Variants in CYBC1 observed in about 807,000 individuals in gnomAD.
The protein encoded by CYBC1 is essential for reactive oxygen species protein.
A neutral mutation model predicts 21.7 loss-of-function variants in CYBC1; 22 were observed. The ratio of observed to expected loss-of-function variants is 1.02; its 90% CI spans 0.73 to 1.45. CYBC1 has a LOEUF of 1.45. CYBC1 is among the 40% of genes most tolerant of loss of function. CYBC1 has a pLI of 0.00. For synonymous variants in CYBC1, 112 were observed against 98.7 expected, an observed-to-expected ratio of 1.13 and a Z score of -0.80; for missense variants, 237 against 242.1, an observed-to-expected ratio of 0.98 and a Z score of 0.14.
At chr17:82,444,664 G>A in intron 5 of CYBC1, 73 bp from the exon 6 acceptor site, 1 of 1,507,738 alleles carries the variant, frequency 6.6e-7, no homozygotes, top group Non-Finnish European at 8.9e-7. Context: ...CAGCGCCACT[G>A]GCATCATCGA....
At chr17:82,446,756 C>T (rs555976449) in intron 3 of CYBC1, 60 bp from the exon 4 acceptor site, 43 of 1,538,324 alleles carry the variant, frequency 2.8e-5, no homozygotes, top group African/African-American at 2.2e-4. Context: ...CGGGAGGCCC[C>T]GCCTAGCACA....
rs142996233 is a variant in CYBC1, at chr17:82,449,288, G to A, written c.-34C>T. 496 of 1,498,688 alleles carry A rather than the reference G, an allele frequency of 3.3e-4. 4 individuals are homozygous for A. In the Middle Eastern group the frequency reaches 7.8e-3, roughly 24 times the overall value. 92.8% of individuals were successfully genotyped at this position (1,498,688 alleles called of 1,614,324 possible). A position where few individuals can be genotyped will look rare whatever the true frequency, so the allele number is the denominator to read the frequency against. ...GGCAGCACCACTCTCTACAGGAGGAGGGGTCTGGGAACAGACAGAGGCAGC... is the reference window on the plus strand; with the variant it reads ...GGCAGCACCACTCTCTACAGGAGGAAGGGTCTGGGAACAGACAGAGGCAGC... On this transcript the variant is annotated 5_prime_UTR_variant, in exon 2 of 7. Coordinates refer to ENST00000306645, the MANE Select transcript of CYBC1 (RefSeq NM_001033046.4).
Position 82,447,586 on chromosome 17 carries a change from T to C in CYBC1, c.121A>G (p.Ser41Gly), listed in dbSNP as rs371241422. ...LSIGLAAAYY[S>G]GDSLGWKLFY... ...GGGGCGGGGGGTGCTTTACCTCCGC[T>C]GTAGTAGGCAGCAGCCAGGCCAATC... Residue 41 changes from serine (S) to glycine (G), a missense_variant, in exon 3 of 7, where the codon AGC (serine) becomes GGC (glycine). Coordinates refer to ENST00000306645, the MANE Select transcript of CYBC1 (RefSeq NM_001033046.4). 3.7e-6 allele frequency: 6 copies of C among 1,601,358 alleles called. No individual in the cohort carries two copies. Among genetic ancestry groups the C allele is most frequent in the Non-Finnish European group, 5.1e-6 (6 of 1,175,980 alleles).
rs1304082901 is a variant in CYBC1 at position 82,445,873 on chromosome 17, G to A, written c.289C>T (p.His97Tyr). ...KKLLTLFRAG[H>Y]DQVVVLLHDV... ...GCTCCCCACGACTCACCCTGGTCGT[G>A]GCCAGCTCTGAAAAGAGTCAGCAGC... The change falls in exon 5 of 7, where the codon CAC (histidine) becomes TAC (tyrosine). Residue 97 changes from histidine to tyrosine, a missense_variant. Transcript: ENST00000306645. 7 of 1,611,032 alleles carry A rather than the reference G, an allele frequency of 4.3e-6. No homozygotes were observed. The highest frequency in any genetic ancestry group is 3.3e-4 in the Middle Eastern group (2 of 6,076).
chr17:82,447,823 A>G, intron 2 of CYBC1: 1 of 628,714 alleles, frequency 1.6e-6, no homozygotes, highest in East Asian at 2.8e-5. Flanking sequence ...AGCTGGGCGT[A>G]GTATCACACA....
chr17:82,449,612 G>A (rs1207404794), intron 1 of CYBC1: 1 of 251,462 alleles, frequency 4.0e-6, no homozygotes, highest in Non-Finnish European at 7.5e-6. Flanking sequence ...TCCTGAGGCC[G>A]CTAGCCCCCA....
rs1190253452 is a variant in CYBC1, at chr17:82,444,038, TCG to T, written c.528_529del (p.Ser176ArgfsTer3). 2 of 1,613,228 alleles carry T rather than the reference TCG, an allele frequency of 1.2e-6. No individual in the cohort carries two copies. The highest frequency in any genetic ancestry group is 1.7e-6 in the Non-Finnish European group (2 of 1,179,978). Reference sequence around the variant, plus strand: ...GCTTGCAGGGTCACCGGCCTCACTGTCGCTGCTCTGAGACAGCTCTGTGGGGC... The same window carrying T: ...GCTTGCAGGGTCACCGGCCTCACTGTCTGCTCTGAGACAGCTCTGTGGGGC... On this transcript the variant is annotated frameshift_variant, in exon 7 of 7. Coordinates refer to ENST00000306645, the MANE Select transcript of CYBC1 (RefSeq NM_001033046.4). LOFTEE classifies it high-confidence loss of function.
Position 82,444,138 on chromosome 17 carries a change from G to C in CYBC1, c.444-14C>G. 1.9e-6 allele frequency: 3 copies of C among 1,606,106 alleles called. No homozygotes were observed. Among genetic ancestry groups the C allele is most frequent in the Non-Finnish European group, 2.6e-6 (3 of 1,174,670 alleles). On this transcript the variant is annotated splice_polypyrimidine_tract_variant and intron_variant, in intron 6 of 6. Coordinates refer to ENST00000306645, the MANE Select transcript of CYBC1 (RefSeq NM_001033046.4). ...GCTTCCACATCACTGGGCGAGGCCGGCAACGGGAGGAAGGTCAGGTCACCT... is the reference window on the plus strand; with the variant it reads ...GCTTCCACATCACTGGGCGAGGCCGCCAACGGGAGGAAGGTCAGGTCACCT...
intron 3 of CYBC1, 186 bp downstream of exon 3, chr17:82,447,394 G>A: frequency 3.1e-6 from 2 of 637,862 alleles, no homozygotes; most frequent in Non-Finnish European, 5.6e-6. Flanking sequence ...CTGAGCGCTG[G>A]GCAGGATGGG....
In CYBC1 at chr17:82,443,706, A is replaced by G; in HGVS notation, c.*298T>C. On this transcript the variant is annotated 3_prime_UTR_variant, in exon 7 of 7. Coordinates refer to ENST00000306645, the MANE Select transcript of CYBC1 (RefSeq NM_001033046.4). This position sits in a 1 kb window ranked among gnomAD's most constrained non-coding sequence, Gnocchi z 6.7. ...TGGCCTGCTGTTTCATGCAGTGTGC[A>G]AGCAGCAGCATGAGCAGGCAATAGG... 1 of 775,128 alleles carries G rather than the reference A, an allele frequency of 1.3e-6. No homozygotes were observed. Among genetic ancestry groups the G allele is most frequent in the Admixed American group, 1.7e-5 (1 of 59,038 alleles). The allele number at this position is 775,128 out of a possible 1,614,324, so 48.0% of individuals were successfully genotyped here. A position where few individuals can be genotyped will look rare whatever the true frequency, so the allele number is the denominator to read the frequency against.
chr17:82,442,684 T>A lies in CYBC1; in HGVS notation c.*1320A>T. 8.0e-7 allele frequency: 1 copy of A among 1,252,248 alleles called. No individual in the cohort carries two copies. Among genetic ancestry groups the A allele is most frequent in the Non-Finnish European group, 1.1e-6 (1 of 901,184 alleles). The allele number at this position is 1,252,248 out of a possible 1,614,324, so 77.6% of individuals were successfully genotyped here. Reference sequence around the variant, plus strand: ...ATTTATGGTTATGATGACCCTGTCCTGCAACGAGGGACTGGCAGCCACTAC... The same window carrying A: ...ATTTATGGTTATGATGACCCTGTCCAGCAACGAGGGACTGGCAGCCACTAC... On this transcript the variant is annotated 3_prime_UTR_variant, in exon 7 of 7. Coordinates refer to ENST00000306645, the MANE Select transcript of CYBC1 (RefSeq NM_001033046.4). The surrounding 1 kb of genome is among the most constrained non-coding windows in gnomAD (Gnocchi z 6.8).
chr17:82,444,253 CT>C, intron 6 of CYBC1, 129 bp from the exon 7 acceptor site: 1 of 1,456,418 alleles, frequency 6.9e-7, no homozygotes, highest in Middle Eastern at 2.4e-4. Flanking sequence ...GGACCCAGCA[CT>C]TCCTGGCCTG....
intron 5 of CYBC1, 30 bp downstream of exon 5, chr17:82,445,834 T>C: frequency 3.2e-6 from 5 of 1,557,860 alleles, no homozygotes; most frequent in Non-Finnish European, 4.4e-6. Context: ...TGTGGCCGTG[T>C]CCCATGTCCC....
In CYBC1 at chr17:82,443,454, C is replaced by T. The variant is rs1214883681; in HGVS notation, c.*550G>A. On this transcript the variant is annotated 3_prime_UTR_variant, in exon 7 of 7. Coordinates refer to ENST00000306645, the MANE Select transcript of CYBC1 (RefSeq NM_001033046.4). This position sits in a 1 kb window ranked among gnomAD's most constrained non-coding sequence, Gnocchi z 6.7. The stretch of plus-strand genomic sequence containing the variant: ...GTAGGCCCTGGATGTTCACCCCTCA[C>T]TGCCCTTGGGGAAGCACCTGACCGC... The T allele has an allele frequency of 1.5e-6, 1 of 656,554 alleles. No individual in the cohort carries two copies. The highest frequency in any genetic ancestry group is 2.9e-5 in the East Asian group (1 of 34,930). The allele number at this position is 656,554 out of a possible 1,614,324, so 40.7% of individuals were successfully genotyped here.
intron 6 of CYBC1, 79 bp downstream of exon 6, chr17:82,444,368 C>G: frequency 6.5e-7 from 1 of 1,536,874 alleles, no homozygotes; most frequent in Non-Finnish European, 8.8e-7. Context: ...CCCAGCTGCC[C>G]CATAGCTCTG....
intron 5 of CYBC1, 27 bp from the exon 6 acceptor site, chr17:82,444,618 C>A: frequency 6.4e-7 from 1 of 1,570,062 alleles, no homozygotes; most frequent in South Asian, 1.1e-5. Context: ...AGTGGCCGAG[C>A]CATCCCCGCC....
chr17:82,447,682 A>G, intron 2 of CYBC1, 61 bp from the exon 3 acceptor site: 1 of 1,455,440 alleles, frequency 6.9e-7, no homozygotes, highest in Non-Finnish European at 9.4e-7. Flanking sequence ...TCCCTGGTGC[A>G]GCGGGACCAG....
chr17:82,446,663 C>A lies in CYBC1; in HGVS notation c.161G>T (p.Gly54Val). The change falls in exon 4 of 7, where the codon GGC becomes GTC. Residue 54 changes from glycine to valine, a missense_variant. Coordinates refer to ENST00000306645, the MANE Select transcript of CYBC1 (RefSeq NM_001033046.4). ...SLGWKLFYVT[G>V]CLFVAVQNLE... ...GTTCTGCACAGCCACAAACAGGCAGCCTGTGACGTAGAAGAGCTTCCAGCC... is the reference window on the plus strand; with the variant it reads ...GTTCTGCACAGCCACAAACAGGCAGACTGTGACGTAGAAGAGCTTCCAGCC... 6.2e-7 allele frequency: 1 copy of A among 1,614,122 alleles called. No homozygotes were observed. The highest frequency in any genetic ancestry group is 1.3e-5 in the African/African-American group (1 of 75,066).
At position 82,444,017 on chromosome 17, in the gene CYBC1, G is replaced by A. The variant is rs913309854; in HGVS notation, c.551C>T (p.Ala184Val). 1.2e-6 allele frequency: 2 copies of A among 1,612,838 alleles called. No individual in the cohort carries two copies. Among genetic ancestry groups the A allele is most frequent in the East Asian group, 4.5e-5 (2 of 44,870 alleles). ...QSSDSEAGDP[A>V]SQS Reference sequence around the variant, plus strand: ...ACAGTGGGGCTGTCAGCTCTGGCTTGCAGGGTCACCGGCCTCACTGTCGCT... The same window carrying A: ...ACAGTGGGGCTGTCAGCTCTGGCTTACAGGGTCACCGGCCTCACTGTCGCT... Residue 184 changes from alanine (A) to valine (V), a missense_variant, in exon 7 of 7, where the codon GCA becomes GTA. Ala to Val is a moderately conservative substitution (Grantham distance 64). Transcript: ENST00000306645.
Sources: gnomAD v4.1 joint callset for allele counts on GRCh38, gnomAD v4.1.1 for gene constraint, Gnocchi (gnomAD v3.1) non-coding constraint, MANE v1.5 for transcripts, NCBI Gene and HGNC (gene_info 2026-07-23, HGNC 2026-07-21) for gene names.